TTC19: variants seen among roughly 807,000 people sequenced by gnomAD.
The protein encoded by TTC19 is tetratricopeptide repeat protein 19, mitochondrial.
In TTC19, 38 loss-of-function variants were observed where a neutral mutation model predicts 49.5. The ratio of observed to expected loss-of-function variants is 0.77; its 90% CI spans 0.59 to 1.01. TTC19 has a LOEUF of 1.01. Ranked by LOEUF, TTC19 falls within the 50% of genes least tolerant of loss-of-function variation. The pLI, the probability that TTC19 is intolerant of heterozygous loss-of-function variation, is 0.00. For missense variants in TTC19, 475 were observed against 477.7 expected, an observed-to-expected ratio of 0.99 and a Z score of 0.05; for synonymous variants, 204 against 185.2, an observed-to-expected ratio of 1.10 and a Z score of -0.83.
chr17:16,040,402 C>T (rs1188036884), intron 2 of TTC19: 1 of 1,591,696 alleles, frequency 6.3e-7, no homozygotes, highest in Admixed American at 1.7e-5. Flanking sequence ...TACTGCTGTG[C>T]CAATTTTGTA....
chr17:16,019,701 T>C (rs1255511901), intron 7 of TTC19, among the ~76,000 whole-genome samples: 1 of 152,252 alleles, frequency 6.6e-6, no homozygotes. Flanking sequence ...CACAGTTCTA[T>C]TGATGGACCT....
intron 6 of TTC19, among the ~76,000 whole-genome samples, chr17:16,005,912 A>G (rs1970894412): frequency 6.6e-6 from 1 of 152,152 alleles, no homozygotes; most frequent in South Asian, 2.1e-4. Context: ...ACTGCTGGCT[A>G]TGTCAGTTAT....
chr17:16,019,807 G>C (rs1971318695), intron 7 of TTC19, among the ~76,000 whole-genome samples: 1 of 152,102 alleles, frequency 6.6e-6, no homozygotes, highest in African/African-American at 2.4e-5. Context: ...TTACATAAAA[G>C]TGGAGTTGCC....
intron 8 of TTC19, among the ~76,000 whole-genome samples, chr17:16,025,542 G>C (rs1353515721): frequency 6.6e-6 from 1 of 152,140 alleles, no homozygotes; most frequent in Non-Finnish European, 1.5e-5. Context: ...AAATATCCTT[G>C]CCTCCCTTGC....
chr17:16,021,993 A>G (rs905297554), intron 7 of TTC19, among the ~76,000 whole-genome samples: 5 of 152,274 alleles, frequency 3.3e-5, no homozygotes, highest in East Asian at 1.9e-4. Flanking sequence ...TGGCCATTCA[A>G]GGCTCCTTGT....
At chr17:16,003,918 C>T (rs751756906) in intron 5 of TTC19, 31 bp downstream of exon 5, 6 of 1,609,120 alleles carry the variant, frequency 3.7e-6, no homozygotes, top group South Asian at 1.1e-5. Context: ...TGGCCCCTCA[C>T]TGAAGCAGTT....
At chr17:16,011,342 G>A (rs541512116) in intron 7 of TTC19, among the ~76,000 whole-genome samples, 8 of 152,196 alleles carry the variant, frequency 5.3e-5, no homozygotes, top group South Asian at 2.1e-4. Flanking sequence ...TACCACACCC[G>A]GCTAATTTTG....
chr17:16,032,529 T>C, downstream of TTC19: 2 of 1,507,898 alleles, frequency 1.3e-6, no homozygotes, highest in South Asian at 2.7e-5. Flanking sequence ...ACATAACTGG[T>C]ATTTCATCCA....
chr17:16,019,774 C>T (rs767482815), intron 7 of TTC19, among the ~76,000 whole-genome samples: 7 of 152,120 alleles, frequency 4.6e-5, no homozygotes, highest in Non-Finnish European at 1.0e-4. Context: ...CTTGGACTTG[C>T]ATCTTTGTGC....
chr17:16,011,494 G>C (rs1165411828), intron 7 of TTC19, among the ~76,000 whole-genome samples: 1 of 152,194 alleles, frequency 6.6e-6, no homozygotes, highest in African/African-American at 2.4e-5. Context: ...TTTTCATCCT[G>C]TAAGTTTCAT....
exon 3 of TTC19, chr17:16,044,601 G>A (rs762214923): frequency 5.2e-6 from 3 of 579,178 alleles, no homozygotes; most frequent in East Asian, 4.3e-5. Flanking sequence ...GGCAGCGCCA[G>A]CCCCACACTT....
exon 3 of TTC19, chr17:16,044,811 G>A: frequency 3.6e-6 from 4 of 1,102,914 alleles, no homozygotes; most frequent in Non-Finnish European, 1.4e-6. Context: ...TACAATGTAG[G>A]GGCTGGTGGA....
intron 7 of TTC19, among the ~76,000 whole-genome samples, chr17:16,014,346 C>T (rs966081499): frequency 2.6e-5 from 4 of 152,282 alleles, no homozygotes; most frequent in African/African-American, 4.8e-5. Context: ...GAGAAAAGAA[C>T]GGATACTGGG....
rs574517120 is a variant in TTC19, at chr17:16,026,039, T to G, written c.832-501T>G. Among the ~76,000 whole-genome samples the G allele has an allele frequency of 5.7e-4, 87 of 152,316 alleles. 1 individual carries two copies. Among genetic ancestry groups the G allele is most frequent in the African/African-American group, 1.9e-3 (80 of 41,568 alleles). On this transcript the variant is annotated intron_variant, in intron 8 of 9. Coordinates refer to ENST00000261647, the MANE Select transcript of TTC19 (RefSeq NM_017775.4). ...GTATGGAAGTCTACCTCTTCCATAC[T>G]GAAATTCCATTTCAGTAGCCAAATT...
At position 16,000,891 on chromosome 17, in the gene TTC19, A is replaced by G. The variant is rs56698710; in HGVS notation, c.312+646A>G. Among the ~76,000 whole-genome samples, 769 of 152,264 alleles carry G rather than the reference A, an allele frequency of 5.1e-3. 9 individuals carry two copies. The highest frequency in any genetic ancestry group is 0.017 in the African/African-American group (723 of 41,552). On this transcript the variant is annotated intron_variant, in intron 2 of 9. Coordinates refer to ENST00000261647, the MANE Select transcript of TTC19 (RefSeq NM_017775.4). Reference sequence around the variant, plus strand: ...CTTTCGCCATCTCTTTACTACCATCAGTTTTTCAGCCTAAAAACCTCATAG... The same window carrying G: ...CTTTCGCCATCTCTTTACTACCATCGGTTTTTCAGCCTAAAAACCTCATAG...
intron 6 of TTC19, among the ~76,000 whole-genome samples, chr17:16,005,766 T>A (rs1298325484): frequency 1.3e-5 from 2 of 152,192 alleles, no homozygotes; most frequent in Admixed American, 1.3e-4. Context: ...AGAAGCTGTA[T>A]GAGGTCAACA....
In TTC19 at chr17:16,028,772, G is replaced by A; in HGVS notation, c.*1250G>A. ...CTGGAAGAATCTTCATAATAAATGA[G>A]ACTACACAACAATATTGTATGTATC... On this transcript the variant is annotated 3_prime_UTR_variant, in exon 10 of 10. Transcript: ENST00000261647. 1 of 410,910 alleles carries A rather than the reference G, an allele frequency of 2.4e-6. No individual in the cohort carries two copies. The highest frequency in any genetic ancestry group is 4.6e-6 in the Non-Finnish European group (1 of 217,632). 25.5% of individuals were successfully genotyped at this position (410,910 alleles called of 1,614,324 possible).
intron 2 of TTC19, among the ~76,000 whole-genome samples, chr17:16,000,972 G>C (rs1213190009): frequency 6.6e-6 from 1 of 152,120 alleles, no homozygotes; most frequent in Admixed American, 6.5e-5. Context: ...TTACAGTCCA[G>C]CAACAAGTCC....
chr17:16,044,168 C>CAAAAAAA (rs34691717), intron 2 of TTC19, among the ~76,000 whole-genome samples: 4 of 82,770 alleles, frequency 4.8e-5, no homozygotes, highest in African/African-American at 1.4e-4. Context: ...GACTCCATCT[C>CAAAAAAA]AAAAAAAAAA....
Sources: gnomAD v4.1 joint callset for allele counts (sites outside exome capture counted in the v4.1 genomes callset) on GRCh38, gnomAD v4.1.1 for gene constraint, MANE v1.5 for transcripts, NCBI Gene and HGNC (gene_info 2026-07-23, HGNC 2026-07-21) for gene names.